The following RPS6KA1 variants were observed in gnomAD, a reference collection of about 807,000 sequenced individuals.
The protein encoded by RPS6KA1 is ribosomal protein S6 kinase A1, also known as ribosomal protein S6 kinase alpha-1.
Under a neutral mutation model 91.3 loss-of-function variants are expected in RPS6KA1, and 48 were observed. The ratio of observed to expected loss-of-function variants is 0.53; its 90% CI spans 0.42 to 0.67. The LOEUF (loss-of-function observed/expected upper bound fraction) is 0.67, where lower values mean the gene tolerates loss of function less well. Among genes scored for constraint, RPS6KA1 ranks in the 30% least tolerant of loss-of-function variants. The pLI is 0.00. For missense variants in RPS6KA1, 719 were observed against 960.5 expected (o/e 0.75, Z 3.32); for synonymous variants, 359 against 384.7 (o/e 0.93, Z 0.78).
rs2076053721 is a variant in RPS6KA1, at chr1:26,551,857, C to G, written c.468+134C>G. On this transcript the variant is annotated intron_variant, in intron 6 of 21. Transcript: ENST00000374168. The surrounding 1 kb of genome is among the most constrained non-coding windows in gnomAD (Gnocchi z 4.5). ...ACCACCCAGGCCTGCCTAGCAGCCC[C>G]TGGCCCAGGAAATACCACGCACCCT... 3 of 752,702 alleles carry G rather than the reference C, an allele frequency of 4.0e-6. No individual in the cohort carries two copies. The highest frequency in any genetic ancestry group is 3.5e-5 in the African/African-American group (2 of 57,528). 46.6% of individuals were successfully genotyped at this position (752,702 alleles called of 1,614,324 possible).
At position 26,529,776 on chromosome 1, in the gene RPS6KA1, C is replaced by G. The variant is rs1217942558; in HGVS notation, c.-145C>G. 7 of 350,616 alleles carry G rather than the reference C, an allele frequency of 2.0e-5. No individual in the cohort carries two copies. The highest frequency in any genetic ancestry group is 2.7e-5 in the Non-Finnish European group (6 of 225,354). The allele number at this position is 350,616 out of a possible 1,614,324, so 21.7% of individuals were successfully genotyped here. A position where few individuals can be genotyped will look rare whatever the true frequency, so the allele number is the denominator to read the frequency against. On this transcript the variant is annotated 5_prime_UTR_variant, in exon 1 of 22. Transcript: ENST00000374168. This position sits in a 1 kb window ranked among gnomAD's most constrained non-coding sequence, Gnocchi z 4.2. ...GGAGGGAGCCGAAGTGCTAGTGCCGCGGCGGCGGCGGCGGACGGCCCAGCC... is the reference window on the plus strand; with the variant it reads ...GGAGGGAGCCGAAGTGCTAGTGCCGGGGCGGCGGCGGCGGACGGCCCAGCC...
intron 4 of RPS6KA1, among the ~76,000 whole-genome samples, chr1:26,549,981 G>A (rs760920571): frequency 1.3e-5 from 2 of 152,094 alleles, no homozygotes; most frequent in African/African-American, 2.4e-5. Flanking sequence ...CCGGGTTCAA[G>A]TGATTCTCCT....
In RPS6KA1 at chr1:26,554,489, T is replaced by A. The variant is rs1398126445; in HGVS notation, c.614-107T>A. ...GGCCTTAGCTTCCTCCTGAGTGTCA[T>A]GGGGGTGATGCCTTCTGGCCTCTGG... On this transcript the variant is annotated intron_variant, in intron 8 of 21. Transcript: ENST00000374168. The surrounding 1 kb of genome is among the most constrained non-coding windows in gnomAD (Gnocchi z 4.6). 1.1e-5 allele frequency: 16 copies of A among 1,418,946 alleles called. No homozygotes were observed. The highest frequency in any genetic ancestry group is 1.4e-5 in the Non-Finnish European group (15 of 1,037,198). 87.9% of individuals were successfully genotyped at this position (1,418,946 alleles called of 1,614,324 possible). A position where few individuals can be genotyped will look rare whatever the true frequency, so the allele number is the denominator to read the frequency against.
Position 26,529,865 on chromosome 1 carries a change from G to A in RPS6KA1, c.-56G>A, listed in dbSNP as rs1218329129. On this transcript the variant is annotated 5_prime_UTR_variant, in exon 1 of 22. Transcript: ENST00000374168. The surrounding 1 kb of genome is among the most constrained non-coding windows in gnomAD (Gnocchi z 4.2). ...CGCAGAGCCAGGGACCCCAGGACCC[G>A]GGAGGCGGCGCAGCCGGGGCCGCCG... is the stretch of plus-strand genomic sequence containing the variant. 6.6e-6 allele frequency: 9 copies of A among 1,356,986 alleles called. No homozygotes were observed. In the South Asian group the frequency reaches 7.1e-5, roughly 11 times the overall value. 84.1% of individuals were successfully genotyped at this position (1,356,986 alleles called of 1,614,324 possible).
chr1:26,536,947 A>G lies in RPS6KA1; in HGVS notation c.86A>G (p.Glu29Gly), dbSNP rs766472243. Reference sequence around the variant, plus strand: ...CAGAATGGACAGACCTCAGGGGAAGAAGCTGGACTTCAGCCGTCCAAGGTG... The same window carrying G: ...CAGAATGGACAGACCTCAGGGGAAGGAGCTGGACTTCAGCCGTCCAAGGTG... ...DPENGQTSGE[E>G]AGLQPSKDEG... Residue 29 changes from glutamate to glycine, a missense_variant, in exon 2 of 22, where the codon GAA (glutamate) becomes GGA (glycine). Around this residue, in one of 5 missense-constraint regions of RPS6KA1, gnomAD observed 57 missense variants for 55.8 expected, o/e 1.02. Coordinates refer to ENST00000374168, the MANE Select transcript of RPS6KA1 (RefSeq NM_002953.4). 5 of 1,614,050 alleles carry G rather than the reference A, an allele frequency of 3.1e-6. No individual in the cohort carries two copies. The African/African-American group carries it at 6.7e-5, about 22-fold the overall frequency.
chr1:26,530,812 T>G, intron 1 of RPS6KA1: 1 of 1,288,746 alleles, frequency 7.8e-7, no homozygotes, highest in Non-Finnish European at 1.0e-6. Context: ...GGCCACCTCT[T>G]CCTGTGCCTT....
At chr1:26,531,042 A>C (rs1570413831) in intron 1 of RPS6KA1, 1 of 485,082 alleles carries the variant, frequency 2.1e-6, no homozygotes, top group Non-Finnish European at 2.9e-6. Flanking sequence ...GCCCTCTCTT[A>C]CCTAGGGCAG....
At chr1:26,541,955 C>CG (rs1041176696) in intron 2 of RPS6KA1, among the ~76,000 whole-genome samples, 2 of 152,178 alleles carry the variant, frequency 1.3e-5, no homozygotes, top group African/African-American at 4.8e-5. Context: ...AGTCCCTATG[C>CG]GGGGGATGGG....
intron 4 of RPS6KA1, among the ~76,000 whole-genome samples, chr1:26,548,607 G>A (rs938760805): frequency 2.6e-5 from 4 of 152,088 alleles, no homozygotes; most frequent in Non-Finnish European, 5.9e-5. Context: ...AGACCAGCCT[G>A]GCCAACATGG....
chr1:26,553,547 C>A, intron 7 of RPS6KA1, 50 bp downstream of exon 7: 1 of 1,250,902 alleles, frequency 8.0e-7, no homozygotes, highest in Non-Finnish European at 1.2e-6. Flanking sequence ...GAGGCCTCTT[C>A]TAGGACAGGG....
At chr1:26,569,467 C>T (rs2076231913) in intron 17 of RPS6KA1, among the ~76,000 whole-genome samples, 1 of 152,148 alleles carries the variant, frequency 6.6e-6, no homozygotes, top group Non-Finnish European at 1.5e-5. Flanking sequence ...GGCTTGGATA[C>T]AGTGTGTTGC....
Position 26,558,049 on chromosome 1 carries a change from G to C in RPS6KA1, c.1085-758G>C, listed in dbSNP as rs907239493. On this transcript the variant is annotated intron_variant, in intron 13 of 21. Transcript: ENST00000374168. The surrounding 1 kb of genome is among the most constrained non-coding windows in gnomAD (Gnocchi z 4.0). ...TCACCATGTTGGCCAGGCTGGTCTC[G>C]AACTCCTGACCTCAGGTGATCCACA... Among the ~76,000 whole-genome samples, 1 of 151,758 alleles carries C rather than the reference G, an allele frequency of 6.6e-6. No homozygotes were observed.
rs146470662 is a variant in RPS6KA1 at position 26,559,320 on chromosome 1, G to T, written c.1215+383G>T. On this transcript the variant is annotated intron_variant, in intron 14 of 21. Transcript: ENST00000374168. ...GAGAGGCAAGAATGTAGACTGTGGAGCTCATTGCATGGGTTCCAGATTCAC... is the reference window on the plus strand; with the variant it reads ...GAGAGGCAAGAATGTAGACTGTGGATCTCATTGCATGGGTTCCAGATTCAC... 9.7e-4 allele frequency among the ~76,000 whole-genome samples: 147 copies of T among 152,266 alleles called. 1 individual carries two copies. The highest frequency in any genetic ancestry group is 3.3e-3 in the African/African-American group (137 of 41,546).
At chr1:26,548,808 AAAAAAAG>A (rs947969950) in intron 4 of RPS6KA1, among the ~76,000 whole-genome samples, 9 of 152,134 alleles carry the variant, frequency 5.9e-5, no homozygotes, top group African/African-American at 1.9e-4. Flanking sequence ...TCAGAAAAAA[AAAAAAAG>A]AAAAAAGAAA....
At position 26,574,343 on chromosome 1, in the gene RPS6KA1, ATGAGGGTG is replaced by A; in HGVS notation, c.*147_*154del. On this transcript the variant is annotated 3_prime_UTR_variant, in exon 22 of 22. Coordinates refer to ENST00000374168, the MANE Select transcript of RPS6KA1 (RefSeq NM_002953.4). The surrounding 1 kb of genome is among the most constrained non-coding windows in gnomAD (Gnocchi z 4.3). The stretch of plus-strand genomic sequence containing the variant: ...AAGCTGCCAGCCCAGAACACCCCTA[ATGAGGGTG>A]TGAGAAGTGCCTTCTCCTTCCCCAG... The A allele has an allele frequency of 1.0e-6, 1 of 990,370 alleles. No homozygotes were observed. Among genetic ancestry groups the A allele is most frequent in the African/African-American group, 1.6e-5 (1 of 63,116 alleles). 61.3% of individuals were successfully genotyped at this position (990,370 alleles called of 1,614,324 possible). A position where few individuals can be genotyped will look rare whatever the true frequency, so the allele number is the denominator to read the frequency against.
At chr1:26,532,062 G>A (rs996781128) in intron 1 of RPS6KA1, among the ~76,000 whole-genome samples, 12 of 152,180 alleles carry the variant, frequency 7.9e-5, no homozygotes, top group Admixed American at 2.0e-4. Context: ...GCTGGTGGGG[G>A]ACTTTTCACA....
At position 26,571,769 on chromosome 1, in the gene RPS6KA1, T is replaced by G; in HGVS notation, c.1753-80T>G. ...TGTGCCTGGGACCCTTGTCCTGCCCTTGAGGGGAGTAGCAGGAAACATCTG... is the reference window on the plus strand; with the variant it reads ...TGTGCCTGGGACCCTTGTCCTGCCCGTGAGGGGAGTAGCAGGAAACATCTG... On this transcript the variant is annotated intron_variant, in intron 18 of 21. Transcript: ENST00000374168. This position sits in a 1 kb window ranked among gnomAD's most constrained non-coding sequence, Gnocchi z 5.1. 6.6e-7 allele frequency: 1 copy of G among 1,505,396 alleles called. No homozygotes were observed. Among genetic ancestry groups the G allele is most frequent in the South Asian group, 1.2e-5 (1 of 84,320 alleles). 93.3% of individuals were successfully genotyped at this position (1,505,396 alleles called of 1,614,324 possible). A position where few individuals can be genotyped will look rare whatever the true frequency, so the allele number is the denominator to read the frequency against.
chr1:26,549,266 C>T (rs2076024314), intron 4 of RPS6KA1, among the ~76,000 whole-genome samples: 1 of 151,826 alleles, frequency 6.6e-6, no homozygotes, highest in Admixed American at 6.6e-5. Flanking sequence ...TAGCCTTCCA[C>T]CTCTCCTTTT....
rs1446253277 is a variant in RPS6KA1, at chr1:26,574,456, C to G, written c.*255C>G. The G allele has an allele frequency of 3.0e-6, 2 of 675,856 alleles. No homozygotes were observed. The highest frequency in any genetic ancestry group is 5.6e-6 in the Non-Finnish European group (2 of 354,670). The allele number at this position is 675,856 out of a possible 1,614,324, so 41.9% of individuals were successfully genotyped here. ...CTTTTTTTTATGAAAAAAATGGCAT[C>G]AACCACCATGGATTTTTACAAGATC... is the stretch of plus-strand genomic sequence containing the variant. On this transcript the variant is annotated 3_prime_UTR_variant, in exon 22 of 22. Transcript: ENST00000374168. This position sits in a 1 kb window ranked among gnomAD's most constrained non-coding sequence, Gnocchi z 4.3.
Sources: gnomAD v4.1 joint callset for allele counts (sites outside exome capture counted in the v4.1 genomes callset) on GRCh38, gnomAD v4.1.1 for gene constraint, gnomAD v4.1.1 regional missense constraint, Gnocchi (gnomAD v3.1) non-coding constraint, MANE v1.5 for transcripts, NCBI Gene and HGNC (gene_info 2026-07-23, HGNC 2026-07-21) for gene names.